The following ABR variants were observed in gnomAD, a reference collection of about 807,000 sequenced individuals.
ABR encodes ABR activator of RhoGEF and GTPase.
A neutral mutation model predicts 107.2 loss-of-function variants in ABR; 35 were observed. That is an observed-to-expected ratio of 0.33 (90% confidence interval 0.25 to 0.43). The LOEUF (loss-of-function observed/expected upper bound fraction) is 0.43, where lower values mean the gene tolerates loss of function less well. Among genes scored for constraint, ABR ranks in the 20% least tolerant of loss-of-function variants. The pLI is 1.00. For synonymous variants in ABR, 498 were observed against 462.0 expected (o/e 1.08, Z -1.00); for missense variants, 815 against 1,115.2 (o/e 0.73, Z 3.83).
chr17:1,214,132 G>A (rs1327394719), intron 1 of ABR, among the ~76,000 whole-genome samples: 5 of 151,942 alleles, frequency 3.3e-5, no homozygotes, highest in South Asian at 2.1e-4. Flanking sequence ...TGATCCACCC[G>A]CCTCGGGCTC....
intron 1 of ABR, among the ~76,000 whole-genome samples, chr17:1,216,211 T>A (rs2043006221): frequency 6.6e-6 from 1 of 151,660 alleles, no homozygotes; most frequent in African/African-American, 2.4e-5. Context: ...AACACCTAAA[T>A]AGAACTTACT....
chr17:1,226,349 G>A (rs1411248052), intron 1 of ABR, among the ~76,000 whole-genome samples: 1 of 152,194 alleles, frequency 6.6e-6, no homozygotes, highest in African/African-American at 2.4e-5. Flanking sequence ...GATTGTGTGT[G>A]CACACATGTA....
intron 16 of ABR, among the ~76,000 whole-genome samples, chr17:1,023,083 G>A (rs1039976138): frequency 4.0e-5 from 6 of 151,204 alleles, no homozygotes; most frequent in South Asian, 2.1e-4. Flanking sequence ...CCGGCCCCAC[G>A]TCCACTGCAG....
At chr17:1,031,624 C>A in intron 16 of ABR, 1 of 1,246,970 alleles carries the variant, frequency 8.0e-7, no homozygotes, top group Non-Finnish European at 1.0e-6. Context: ...TTGTTGCGCA[C>A]GCGGCCCCAG....
intron 9 of ABR, among the ~76,000 whole-genome samples, chr17:1,068,674 A>G (rs570701624): frequency 2.0e-5 from 3 of 152,306 alleles, no homozygotes; most frequent in African/African-American, 7.2e-5. Flanking sequence ...GGGTAGAGAG[A>G]AGGAGGCTCA....
At chr17:1,031,735 C>T (rs2072788169) in intron 16 of ABR, 14 of 1,238,716 alleles carry the variant, frequency 1.1e-5, no homozygotes, top group African/African-American at 1.6e-5. Context: ...GGCAGGACGT[C>T]GGTCATGCCG....
intron 16 of ABR, among the ~76,000 whole-genome samples, chr17:1,033,468 C>G (rs539950556): frequency 5.5e-4 from 84 of 152,216 alleles, no homozygotes; most frequent in Non-Finnish European, 7.5e-4. Context: ...GGAACACAAA[C>G]GGAGGTCTGG....
In ABR at chr17:1,106,276, G is replaced by A. The variant is rs140128156; in HGVS notation, c.247-5541C>T. On this transcript the variant is annotated intron_variant, in intron 2 of 22. Coordinates refer to ENST00000302538, the MANE Select transcript of ABR (RefSeq NM_021962.5). ...TGGCACTTGGGCACATGCTCACAACGCAACTGCTGCTTAAGGTAAGTACCC... is the reference window on the plus strand; with the variant it reads ...TGGCACTTGGGCACATGCTCACAACACAACTGCTGCTTAAGGTAAGTACCC... Among the ~76,000 whole-genome samples the A allele has an allele frequency of 1.4e-4, 22 of 152,240 alleles. No homozygotes were observed. In the East Asian group the frequency reaches 3.7e-3, roughly 25 times the overall value.
intron 5 of ABR, among the ~76,000 whole-genome samples, chr17:1,081,187 A>G (rs1258425748): frequency 1.3e-5 from 2 of 152,172 alleles, no homozygotes; most frequent in Non-Finnish European, 2.9e-5. Flanking sequence ...GAGTCCAGGT[A>G]GTTCCTGGGT....
intron 6 of ABR, 161 bp downstream of exon 6, chr17:1,079,169 C>A (rs1413573314): frequency 3.4e-6 from 5 of 1,462,902 alleles, no homozygotes; most frequent in Non-Finnish European, 4.5e-6. Context: ...TGCGCGCACA[C>A]GCGCACTCAG....
At chr17:1,107,050 T>TTCCTC (rs2038300724) in intron 2 of ABR, among the ~76,000 whole-genome samples, 1 of 152,226 alleles carries the variant, frequency 6.6e-6, no homozygotes, top group Non-Finnish European at 1.5e-5. Flanking sequence ...CTGAGGCCAA[T>TTCCTC]GCCGGTAGAG....
At chr17:1,020,621 C>T (rs2071551091) in intron 16 of ABR, among the ~76,000 whole-genome samples, 1 of 152,146 alleles carries the variant, frequency 6.6e-6, no homozygotes, top group African/African-American at 2.4e-5. Context: ...CCGTAGGTGG[C>T]TGGTGGAGGT....
At chr17:1,185,658 A>ATAAAATAAAAT (rs199593626) in intron 1 of ABR, among the ~76,000 whole-genome samples, 3 of 140,196 alleles carry the variant, frequency 2.1e-5, no homozygotes, top group East Asian at 2.0e-4. Context: ...AAGAAATAAA[A>ATAAAATAAAAT]AAAAAAAAAA....
intron 1 of ABR, among the ~76,000 whole-genome samples, chr17:1,194,972 G>A (rs1299477997): frequency 6.2e-5 from 9 of 144,176 alleles, no homozygotes; most frequent in African/African-American, 1.5e-4. Flanking sequence ...TTTTAATTTT[G>A]TACAGACAGA....
intron 1 of ABR, among the ~76,000 whole-genome samples, chr17:1,203,509 G>A (rs1348470556): frequency 3.7e-5 from 1 of 27,312 alleles, no homozygotes; most frequent in African/African-American, 6.1e-5. Flanking sequence ...GAGTCTGCGG[G>A]GGCGGGGGCC....
chr17:1,011,001 C>T lies in ABR; in HGVS notation c.2102-138G>A. On this transcript the variant is annotated intron_variant, in intron 19 of 22. Coordinates refer to ENST00000302538, the MANE Select transcript of ABR (RefSeq NM_021962.5). The surrounding 1 kb of genome is among the most constrained non-coding windows in gnomAD (Gnocchi z 4.8). ...CTGGAAGAGCAGGATGTAGAGAGGG[C>T]CCACAGGTGTCTGTGACTCGGCTCT... is the stretch of plus-strand genomic sequence containing the variant. 2 of 1,148,704 alleles carry T rather than the reference C, an allele frequency of 1.7e-6. No individual in the cohort carries two copies. Among genetic ancestry groups the T allele is most frequent in the East Asian group, 2.4e-5 (1 of 41,110 alleles). 71.2% of individuals were successfully genotyped at this position (1,148,704 alleles called of 1,614,324 possible).
intron 1 of ABR, among the ~76,000 whole-genome samples, chr17:1,146,296 C>CACACAT (rs3219520): frequency 6.8e-5 from 10 of 146,574 alleles, no homozygotes; most frequent in African/African-American, 2.3e-4. Flanking sequence ...CACACACACA[C>CACACAT]ATCACATCCT....
chr17:1,080,742 GGT>G (rs2036167578), intron 5 of ABR, among the ~76,000 whole-genome samples: 1 of 135,830 alleles, frequency 7.4e-6, no homozygotes, highest in Non-Finnish European at 1.5e-5. Context: ...ATGGAGCTTG[GGT>G]GTGTGTATAT....
intron 2 of ABR, among the ~76,000 whole-genome samples, chr17:1,104,844 T>C (rs1465124243): frequency 6.6e-6 from 1 of 152,186 alleles, no homozygotes; most frequent in Non-Finnish European, 1.5e-5. Flanking sequence ...GATCCCCGTA[T>C]TCTGGGCTCC....
Sources: gnomAD v4.1 joint callset for allele counts (sites outside exome capture counted in the v4.1 genomes callset) on GRCh38, gnomAD v4.1.1 for gene constraint, Gnocchi (gnomAD v3.1) non-coding constraint, MANE v1.5 for transcripts, NCBI Gene and HGNC (gene_info 2026-07-23, HGNC 2026-07-21) for gene names.